JCAD: variants seen among roughly 807,000 people sequenced by gnomAD.
The protein encoded by JCAD is junctional cadherin 5-associated protein.
A neutral mutation model predicts 98.0 loss-of-function variants in JCAD; 40 were observed. That is an observed-to-expected ratio of 0.41 (90% CI 0.32 to 0.53). The LOEUF is 0.53. Among genes scored for constraint, JCAD ranks in the 20% least tolerant of loss-of-function variants. The probability of loss-of-function intolerance (pLI) is 0.31; values close to 1 mark genes in which losing one functional copy is unlikely to be tolerated. For synonymous variants in JCAD, 691 were observed against 682.3 expected (o/e 1.01, Z -0.20); for missense variants, 1,705 against 1,738.1 (o/e 0.98, Z 0.34).
At chr10:30,057,453 C>T (rs1386713359) in intron 1 of JCAD, among the ~76,000 whole-genome samples, 2 of 151,992 alleles carry the variant, frequency 1.3e-5, no homozygotes, top group Non-Finnish European at 2.9e-5. Context: ...TTATAGCTGC[C>T]GAACAATAGA....
At chr10:30,055,221 GAC>G (rs1242758241) in intron 1 of JCAD, among the ~76,000 whole-genome samples, 1 of 152,160 alleles carries the variant, frequency 6.6e-6, no homozygotes, top group African/African-American at 2.4e-5. Flanking sequence ...TCCTCTAAAA[GAC>G]CTAAAACTTT....
Position 30,028,395 on chromosome 10 carries a change from T to C in JCAD, c.1753A>G (p.Ile585Val), listed in dbSNP as rs1564444071. The C allele has an allele frequency of 6.2e-7, 1 of 1,614,244 alleles. No homozygotes were observed. The highest frequency in any genetic ancestry group is 8.5e-7 in the Non-Finnish European group (1 of 1,180,050). ...MNETIFCLVS[I>V]PVKSESHLPD... ...AGATGTGATTCTGATTTCACTGGGA[T>C]AGAAACCAAGCAAAATATAGTCTCG... Residue 585 changes from isoleucine to valine, a missense_variant, in exon 3 of 4, where the codon ATC becomes GTC. Transcript: ENST00000375377.
chr10:30,047,419 AT>A, intron 2 of JCAD, 112 bp downstream of exon 2: 3 of 1,294,146 alleles, frequency 2.3e-6, no homozygotes, highest in Non-Finnish European at 3.2e-6. Flanking sequence ...GTCTAATACC[AT>A]TTCTCCCTCC....
chr10:30,055,709 A>C (rs1401492162), intron 1 of JCAD, among the ~76,000 whole-genome samples: 1 of 152,250 alleles, frequency 6.6e-6, no homozygotes, highest in Non-Finnish European at 1.5e-5. Flanking sequence ...GGACATCCTT[A>C]GGTTTCTTTA....
chr10:30,110,378 G>A (rs1838669697), intron 1 of JCAD, among the ~76,000 whole-genome samples: 1 of 152,026 alleles, frequency 6.6e-6, no homozygotes, highest in Non-Finnish European at 1.5e-5. Context: ...CTGATGTATA[G>A]ACCAGCTGAT....
chr10:30,023,684 T>G (rs764727879), intron 3 of JCAD, among the ~76,000 whole-genome samples: 4 of 152,060 alleles, frequency 2.6e-5, no homozygotes, highest in Middle Eastern at 3.4e-3. Flanking sequence ...ATGCATCAGA[T>G]GGAGAGGAGA....
chr10:30,057,944 G>A (rs933524738), intron 1 of JCAD, among the ~76,000 whole-genome samples: 2 of 152,204 alleles, frequency 1.3e-5, no homozygotes, highest in Non-Finnish European at 2.9e-5. Flanking sequence ...ATCTGCATAT[G>A]ATTTCCAAAA....
At chr10:30,073,323 A>G (rs2132673500) in intron 1 of JCAD, among the ~76,000 whole-genome samples, 2 of 152,308 alleles carry the variant, frequency 1.3e-5, no homozygotes, top group East Asian at 3.9e-4. Flanking sequence ...TGAGAATTAG[A>G]TATTTGGTGA....
At position 30,028,134 on chromosome 10, in the gene JCAD, G is replaced by A. The variant is rs572563451; in HGVS notation, c.2014C>T (p.His672Tyr). The A allele has an allele frequency of 8.7e-6, 14 of 1,614,174 alleles. No homozygotes were observed. The highest frequency in any genetic ancestry group is 1.6e-4 in the Middle Eastern group (1 of 6,062). The change falls in exon 3 of 4, where the codon CAC becomes TAC. Residue 672 changes from histidine to tyrosine, a missense_variant. By Grantham distance (83) the His-to-Tyr change is moderately conservative. This residue lies in a region of JCAD where 1,278 missense variants were observed against 1,243.1 expected (regional missense o/e 1.03). Coordinates refer to ENST00000375377, the MANE Select transcript of JCAD (RefSeq NM_020848.4). ...GAGCCAGAATGCTTGAGTTCTCTGT[G>A]CTTTGTAAGGTGGATGAAACTGAGG... The part of the protein sequence containing the change: ...NDLSFIHLTK[H>Y]RELKHSGSWP...
At chr10:30,034,419 A>G (rs11591342) in intron 2 of JCAD, among the ~76,000 whole-genome samples, 13,873 of 152,224 alleles carry the variant, frequency 0.091, 880 homozygotes, top group African/African-American at 0.18. Flanking sequence ...CGACCTGTAC[A>G]TGGTATAAGA....
At chr10:30,062,678 G>A (rs375091084), upstream of JCAD, among the ~76,000 whole-genome samples, 30 of 152,116 alleles carry the variant, frequency 2.0e-4, no homozygotes, top group African/African-American at 7.0e-4. Flanking sequence ...GCAAAGGCGC[G>A]CCTTACGTGG....
intron 1 of JCAD, among the ~76,000 whole-genome samples, chr10:30,048,588 A>C (rs1282797630): frequency 6.6e-6 from 1 of 151,782 alleles, no homozygotes; most frequent in Non-Finnish European, 1.5e-5. Context: ...TTTTTGAGAT[A>C]GAGTTTCACT....
chr10:30,113,270 G>A (rs372143194), intron 1 of JCAD, among the ~76,000 whole-genome samples: 1 of 151,868 alleles, frequency 6.6e-6, no homozygotes, highest in African/African-American at 2.4e-5. Flanking sequence ...GCCTCCCAGA[G>A]CCGGGTGCAG....
chr10:30,074,136 C>G (rs1837941173), intron 1 of JCAD, among the ~76,000 whole-genome samples: 1 of 152,088 alleles, frequency 6.6e-6, no homozygotes, highest in Non-Finnish European at 1.5e-5. Context: ...ATCCCTCTGA[C>G]AGTAAATTCG....
At chr10:30,103,165 A>G (rs1422873253) in intron 1 of JCAD, among the ~76,000 whole-genome samples, 2 of 152,144 alleles carry the variant, frequency 1.3e-5, no homozygotes, top group Non-Finnish European at 2.9e-5. Flanking sequence ...GTAATATTCC[A>G]CTGTGTGCAT....
chr10:30,061,054 G>C (rs1290451570), upstream of JCAD, among the ~76,000 whole-genome samples: 1 of 152,162 alleles, frequency 6.6e-6, no homozygotes, highest in Non-Finnish European at 1.5e-5. Context: ...GCATGATTAG[G>C]GGCTCGAGAA....
rs1836937398 is a variant in JCAD, at chr10:30,029,457, A to G, written c.691T>C (p.Ser231Pro). Residue 231 changes from serine (S) to proline (P), a missense_variant, in exon 3 of 4, where the codon TCA becomes CCA. By Grantham distance (74) the Ser-to-Pro change is moderately conservative. Coordinates refer to ENST00000375377, the MANE Select transcript of JCAD (RefSeq NM_020848.4). Reference sequence around the variant, plus strand: ...TCGGGGGAAAGAACTCTAGGCAGTGAGCGAGACTTCCCTTTGTTTTGAGAA... The same window carrying G: ...TCGGGGGAAAGAACTCTAGGCAGTGGGCGAGACTTCCCTTTGTTTTGAGAA... ...LNSQNKGKSR[S>P]LPRVLSPESL... 2 of 1,614,178 alleles carry G rather than the reference A, an allele frequency of 1.2e-6. No individual in the cohort carries two copies. Among genetic ancestry groups the G allele is most frequent in the South Asian group, 1.1e-5 (1 of 91,076 alleles).
intron 1 of JCAD, among the ~76,000 whole-genome samples, chr10:30,098,555 C>A (rs1483869000): frequency 1.3e-5 from 2 of 152,162 alleles, no homozygotes; most frequent in African/African-American, 4.8e-5. Context: ...GGTGTTTGGC[C>A]TGATTCATTT....
At chr10:30,051,563 T>C (rs562542180) in intron 1 of JCAD, among the ~76,000 whole-genome samples, 27 of 151,420 alleles carry the variant, frequency 1.8e-4, no homozygotes, top group African/African-American at 6.6e-4. Context: ...AAAAATAAAT[T>C]CTTAAAGAAA....
Sources: allele counts gnomAD v4.1 joint callset (sites outside exome capture counted in the v4.1 genomes callset), GRCh38; gene constraint gnomAD v4.1.1; regional missense constraint gnomAD v4.1.1; transcripts MANE v1.5; gene names NCBI Gene and HGNC (gene_info 2026-07-23, HGNC 2026-07-21).